Variants in SLC2A9 observed in about 807,000 individuals in gnomAD.
SLC2A9 encodes solute carrier family 2, facilitated glucose transporter member 9.
Under a neutral mutation model 50.6 loss-of-function variants are expected in SLC2A9, and 39 were observed. That is an observed-to-expected ratio of 0.77 (90% confidence interval 0.60 to 1.01). The LOEUF (loss-of-function observed/expected upper bound fraction) is 1.01. Among genes scored for constraint, SLC2A9 ranks in the 50% least tolerant of loss-of-function variants. The pLI, the probability that SLC2A9 is intolerant of heterozygous loss-of-function variation, is 0.00. For synonymous variants in SLC2A9, 324 were observed against 276.9 expected (o/e 1.17, Z -1.69); for missense variants, 686 against 677.6 (o/e 1.01, Z -0.14).
chr4:9,797,861 C>A (rs1393827041), downstream of SLC2A9, among the ~76,000 whole-genome samples: 11 of 152,118 alleles, frequency 7.2e-5, no homozygotes, highest in Admixed American at 3.3e-4. Context: ...TGCACATGAT[C>A]CTACAACCTT....
rs201837534 is a variant in SLC2A9 at position 10,031,691 on chromosome 4, C to T, written c.-40-5685G>A. ...AAGTTAGTCCTAGCCAGGAAGGGGC[C>T]GGAGGACTCCGTTGCAGAACTCCTG... On this transcript the variant is annotated intron_variant, in intron 1 of 12. Transcript: ENST00000309065. Among the ~76,000 whole-genome samples, 20 of 152,328 alleles carry T rather than the reference C, an allele frequency of 1.3e-4. No individual in the cohort carries two copies. In the East Asian group the frequency reaches 1.7e-3, roughly 13 times the overall value.
chr4:9,994,564 CTTTTTTT>C (rs35574155), intron 3 of SLC2A9, among the ~76,000 whole-genome samples: 1 of 131,824 alleles, frequency 7.6e-6, no homozygotes, highest in African/African-American at 2.9e-5. Context: ...TTTCCTTTTC[CTTTTTTT>C]TTTTTTTTTT....
intron 10 of SLC2A9, chr4:9,880,139 C>T: frequency 1.0e-6 from 1 of 985,442 alleles, no homozygotes; most frequent in Non-Finnish European, 1.2e-6. Flanking sequence ...TCTTCCCTGT[C>T]CACTTAGGAA....
At chr4:9,912,452 G>C (rs908937885) in intron 7 of SLC2A9, among the ~76,000 whole-genome samples, 4 of 152,076 alleles carry the variant, frequency 2.6e-5, no homozygotes, top group Non-Finnish European at 4.4e-5. Context: ...AAAGAATTTG[G>C]GTCTTCTCAA....
In SLC2A9 at chr4:9,791,839, C is replaced by T. The variant is rs185239328; in HGVS notation, n.386-11774G>A. The stretch of plus-strand genomic sequence containing the variant: ...GCCAGAAGACCCAGCGAATCTTTGC[C>T]TGGGCTCCTGACTCATAGATACTAT... On this transcript the variant is annotated intron_variant and non_coding_transcript_variant, in intron 3 of 3. Transcript: ENST00000503803. Among the ~76,000 whole-genome samples the T allele has an allele frequency of 2.6e-3, 402 of 152,286 alleles. 2 individuals are homozygous for T. The highest frequency in any genetic ancestry group is 9.1e-3 in the African/African-American group (378 of 41,550).
chr4:9,861,635 G>C (rs1419262116), intron 10 of SLC2A9, among the ~76,000 whole-genome samples: 1 of 152,060 alleles, frequency 6.6e-6, no homozygotes, highest in Non-Finnish European at 1.5e-5. Flanking sequence ...CCATATAGGG[G>C]CTCCTCTTGG....
At chr4:9,782,516 C>T (rs1355277545) in intron 3 of SLC2A9, 2 of 1,614,028 alleles carry the variant, frequency 1.2e-6, no homozygotes, top group Non-Finnish European at 8.5e-7. Flanking sequence ...CATGGTCGGC[C>T]TGGCATGGAC....
At chr4:9,862,201 C>T (rs960871206) in intron 10 of SLC2A9, among the ~76,000 whole-genome samples, 1 of 152,020 alleles carries the variant, frequency 6.6e-6, no homozygotes, top group Non-Finnish European at 1.5e-5. Flanking sequence ...AAAGGGTAAC[C>T]AGTGAAGACA....
At chr4:9,979,436 A>G (rs1755335183) in intron 5 of SLC2A9, among the ~76,000 whole-genome samples, 1 of 152,054 alleles carries the variant, frequency 6.6e-6, no homozygotes. Flanking sequence ...TTCGACCATC[A>G]TTAGTGGTTT....
chr4:9,781,216 C>T (rs189214211), intron 3 of SLC2A9, among the ~76,000 whole-genome samples: 8 of 152,316 alleles, frequency 5.3e-5, no homozygotes, highest in African/African-American at 1.4e-4. Flanking sequence ...GAAACCAAGG[C>T]CGGGTAAAGT....
At chr4:9,977,323 A>G (rs1421999465) in intron 5 of SLC2A9, among the ~76,000 whole-genome samples, 1 of 152,270 alleles carries the variant, frequency 6.6e-6, no homozygotes, top group East Asian at 1.9e-4. Context: ...CAAATTATGA[A>G]ATATGACAAA....
intron 1 of SLC2A9, among the ~76,000 whole-genome samples, chr4:9,774,741 T>G (rs1326609089): frequency 6.6e-6 from 1 of 152,130 alleles, no homozygotes; most frequent in African/African-American, 2.4e-5. Flanking sequence ...ATTTTCCTTC[T>G]CTTTTTCTTT....
chr4:9,941,911 AC>A lies in SLC2A9; in HGVS notation c.814+1del, dbSNP rs1287582842. 3 of 1,613,876 alleles carry A rather than the reference AC, an allele frequency of 1.9e-6. No individual in the cohort carries two copies. The African/African-American group carries it at 4.0e-5, about 22-fold the overall frequency. On this transcript the variant is annotated splice_donor_variant, in intron 6 of 11. Transcript: ENST00000264784. LOFTEE classifies it high-confidence loss of function. ...CTGTGCAGGAAAGGGAAGGGCCCTC[AC>A]CTTTCACAGCTCTTGCCTCGTTGTG... is the stretch of plus-strand genomic sequence containing the variant.
chr4:9,871,509 C>T (rs1426643961), intron 10 of SLC2A9, among the ~76,000 whole-genome samples: 1 of 152,138 alleles, frequency 6.6e-6, no homozygotes, highest in African/African-American at 2.4e-5. Flanking sequence ...CTAGATGCAT[C>T]GCTCGCTCTA....
At chr4:9,786,895 G>A (rs1430577402) in intron 3 of SLC2A9, among the ~76,000 whole-genome samples, 1 of 152,192 alleles carries the variant, frequency 6.6e-6, no homozygotes, top group East Asian at 1.9e-4. Context: ...CAAAGATGTT[G>A]CTAAACAACT....
intron 2 of SLC2A9, among the ~76,000 whole-genome samples, chr4:10,000,129 C>T (rs979989306): frequency 1.3e-5 from 2 of 152,176 alleles, no homozygotes; most frequent in African/African-American, 4.8e-5. Context: ...GGATTCACAA[C>T]TATCTTACTC....
chr4:9,782,133 C>T (rs1194993433), intron 3 of SLC2A9: 2 of 1,560,606 alleles, frequency 1.3e-6, no homozygotes, highest in African/African-American at 2.7e-5. Context: ...GGGGCACCGC[C>T]ACTGGGGCCC....
Position 9,791,890 on chromosome 4 carries a change from C to T in SLC2A9, n.386-11825G>A, listed in dbSNP as rs1437734138. On this transcript the variant is annotated intron_variant and non_coding_transcript_variant, in intron 3 of 3. Transcript: ENST00000503803. Reference sequence around the variant, plus strand: ...CAGAAAAACACTTGCTGTTTTAAGCCGCTAAGTTCTGGGTTAATTTGTTAT... The same window carrying T: ...CAGAAAAACACTTGCTGTTTTAAGCTGCTAAGTTCTGGGTTAATTTGTTAT... 6.6e-5 allele frequency among the ~76,000 whole-genome samples: 10 copies of T among 152,234 alleles called. No individual in the cohort carries two copies. In the East Asian group the frequency reaches 9.6e-4, roughly 15 times the overall value.
intron 5 of SLC2A9, among the ~76,000 whole-genome samples, chr4:9,953,723 G>A (rs1750704776): frequency 2.0e-5 from 3 of 152,180 alleles, no homozygotes; most frequent in Admixed American, 6.5e-5. Context: ...CCCAGGCTCA[G>A]GTGGTTCTCC....
Sources: allele counts gnomAD v4.1 joint callset (sites outside exome capture counted in the v4.1 genomes callset), GRCh38; gene constraint gnomAD v4.1.1; transcripts MANE v1.5; gene names NCBI Gene and HGNC (gene_info 2026-07-23, HGNC 2026-07-21).